Variants in CNTN6 observed in about 807,000 individuals in gnomAD.
CNTN6 encodes the protein contactin-6.
In CNTN6, 137 loss-of-function variants were observed where a neutral mutation model predicts 122.8. That is an observed-to-expected ratio of 1.12 (90% CI 0.97 to 1.29). The LOEUF (loss-of-function observed/expected upper bound fraction) is 1.29, where lower values mean the gene tolerates loss of function less well. Among genes scored for constraint, CNTN6 ranks in the 50% most tolerant of loss-of-function variants. CNTN6 has a pLI of 0.00. For missense variants in CNTN6, 1,634 were observed against 1,223.4 expected (o/e 1.34, Z -5.01); for synonymous variants, 570 against 426.0 (o/e 1.34, Z -4.16).
intron 5 of CNTN6, among the ~76,000 whole-genome samples, chr3:1,279,307 C>T (rs1692959190): frequency 1.3e-5 from 2 of 152,164 alleles, no homozygotes; most frequent in Admixed American, 6.5e-5. Flanking sequence ...AGTCGTGATT[C>T]TCAACTCACA....
intron 11 of CNTN6, among the ~76,000 whole-genome samples, chr3:1,350,347 A>G (rs1705433768): frequency 6.6e-6 from 1 of 151,840 alleles, no homozygotes; most frequent in African/African-American, 2.4e-5. Flanking sequence ...ATTTTACTAA[A>G]CGTAAGGCAA....
chr3:1,094,340 C>T (rs193173193), intron 1 of CNTN6, among the ~76,000 whole-genome samples: 1 of 152,004 alleles, frequency 6.6e-6, no homozygotes, highest in African/African-American at 2.4e-5. Context: ...AAAATACTTA[C>T]ACAATTTGTG....
chr3:1,347,836 C>T lies in CNTN6; in HGVS notation c.1365-4488C>T, dbSNP rs182106117. On this transcript the variant is annotated intron_variant, in intron 11 of 22. Coordinates refer to ENST00000446702, the MANE Select transcript of CNTN6 (RefSeq NM_001289080.2). ...ACAGACAAGAGGTTGCATGAATTCACGGAAGGGTTTTAAGCAGTGAAACTT... is the reference window on the plus strand; with the variant it reads ...ACAGACAAGAGGTTGCATGAATTCATGGAAGGGTTTTAAGCAGTGAAACTT... 2.1e-4 allele frequency among the ~76,000 whole-genome samples: 32 copies of T among 152,064 alleles called. 1 individual carries two copies. The highest frequency in any genetic ancestry group is 6.5e-4 in the African/African-American group (27 of 41,498).
At chr3:1,135,346 T>G (rs1287925807) in intron 1 of CNTN6, among the ~76,000 whole-genome samples, 2 of 152,184 alleles carry the variant, frequency 1.3e-5, no homozygotes, top group Admixed American at 6.5e-5. Context: ...TGGGAGCACA[T>G]ATCAGGGGAT....
chr3:1,160,117 CCAAT>C (rs2093090601), intron 2 of CNTN6, among the ~76,000 whole-genome samples: 1 of 151,956 alleles, frequency 6.6e-6, no homozygotes, highest in Non-Finnish European at 1.5e-5. Flanking sequence ...CCACGCCCGG[CCAAT>C]CATTCAGTTT....
chr3:1,200,274 T>C (rs894711433), intron 2 of CNTN6, among the ~76,000 whole-genome samples: 1 of 152,206 alleles, frequency 6.6e-6, no homozygotes, highest in African/African-American at 2.4e-5. Context: ...CCTCAAGATA[T>C]CTGCCCTCCT....
chr3:1,387,607 C>A (rs1693236603), intron 20 of CNTN6, among the ~76,000 whole-genome samples: 3 of 152,148 alleles, frequency 2.0e-5, no homozygotes, highest in Admixed American at 2.0e-4. Flanking sequence ...CGGTCTACAG[C>A]TCCCAGTGAA....
intron 20 of CNTN6, among the ~76,000 whole-genome samples, chr3:1,387,811 G>A (rs1035159124): frequency 1.3e-5 from 2 of 152,238 alleles, no homozygotes; most frequent in African/African-American, 4.8e-5. Context: ...GGACGCACCT[G>A]GAAAATTGGG....
chr3:1,185,697 C>T (rs923309797), intron 2 of CNTN6, among the ~76,000 whole-genome samples: 5 of 152,124 alleles, frequency 3.3e-5, no homozygotes, highest in South Asian at 2.1e-4. Flanking sequence ...ATTGAGAGTA[C>T]GGACTGAAGA....
chr3:1,341,607 T>C (rs1048885238), intron 11 of CNTN6, among the ~76,000 whole-genome samples: 1 of 152,238 alleles, frequency 6.6e-6, no homozygotes, highest in Non-Finnish European at 1.5e-5. Context: ...TACCATCTCC[T>C]AATTTGTGCC....
chr3:1,139,849 G>A (rs1574989763), intron 1 of CNTN6, among the ~76,000 whole-genome samples: 4 of 152,302 alleles, frequency 2.6e-5, no homozygotes, highest in Admixed American at 6.5e-5. Context: ...ACTCAGCAGC[G>A]TATGACTGGT....
At position 1,387,818 on chromosome 3, in the gene CNTN6, T is replaced by C. The variant is rs573744447; in HGVS notation, c.2704+2021T>C. Among the ~76,000 whole-genome samples, 476 of 152,132 alleles carry C rather than the reference T, an allele frequency of 3.1e-3. 2 individuals carry two copies. Among genetic ancestry groups the C allele is most frequent in the South Asian group, 0.029 (141 of 4,820 alleles). On this transcript the variant is annotated intron_variant, in intron 20 of 22. Coordinates refer to ENST00000446702, the MANE Select transcript of CNTN6 (RefSeq NM_001289080.2). ...GGGGTGACGGACGCACCTGGAAAAT[T>C]GGGTCACTCCCACCCGAATATTGCG...
intron 7 of CNTN6, among the ~76,000 whole-genome samples, chr3:1,317,933 A>T (rs1700327480): frequency 6.6e-6 from 1 of 151,534 alleles, no homozygotes; most frequent in East Asian, 1.9e-4. Flanking sequence ...CAGATTTAGA[A>T]TCCAGGACAT....
In CNTN6 at chr3:1,140,237, A is replaced by G. The variant is rs2092578071; in HGVS notation, c.-82-7690A>G. Among the ~76,000 whole-genome samples the G allele has an allele frequency of 2.6e-5, 4 of 152,336 alleles. No homozygotes were observed. In the South Asian group the frequency reaches 8.3e-4, roughly 32 times the overall value. On this transcript the variant is annotated intron_variant, in intron 1 of 22. Transcript: ENST00000446702. ...TTCTTGTATTCTGATTTATATAAAT[A>G]CAAAGAGCATTTCTATAAGATATAA...
intron 4 of CNTN6, among the ~76,000 whole-genome samples, chr3:1,252,957 A>G (rs554048421): frequency 6.6e-6 from 1 of 152,334 alleles, no homozygotes; most frequent in South Asian, 2.1e-4. Flanking sequence ...AAGGTATAGC[A>G]TGAACAATGT....
chr3:1,247,692 T>TC (rs1292913317), intron 4 of CNTN6, among the ~76,000 whole-genome samples: 3 of 152,206 alleles, frequency 2.0e-5, no homozygotes, highest in Non-Finnish European at 4.4e-5. Context: ...GGGAAGCTTC[T>TC]CCTGTGAACC....
intron 2 of CNTN6, among the ~76,000 whole-genome samples, chr3:1,201,102 TG>T (rs1484450245): frequency 2.1e-4 from 2 of 9,720 alleles, no homozygotes; most frequent in Admixed American, 6.9e-4. Flanking sequence ...TAACATTTTG[TG>T]TGTGTGTGTG....
intron 1 of CNTN6, among the ~76,000 whole-genome samples, chr3:1,106,865 A>G (rs1057196944): frequency 6.6e-6 from 1 of 152,096 alleles, no homozygotes; most frequent in Admixed American, 6.6e-5. Flanking sequence ...TTATTGACAT[A>G]TATCATTTTG....
intron 4 of CNTN6, among the ~76,000 whole-genome samples, chr3:1,274,750 G>C (rs555905002): frequency 6.6e-6 from 1 of 152,228 alleles, no homozygotes; most frequent in East Asian, 1.9e-4. Flanking sequence ...TCTGAACTTT[G>C]TATCAGTCAG....
Sources: allele counts gnomAD v4.1 joint callset (sites outside exome capture counted in the v4.1 genomes callset), GRCh38; gene constraint gnomAD v4.1.1; transcripts MANE v1.5; gene names NCBI Gene and HGNC (gene_info 2026-07-23, HGNC 2026-07-21).